The following COX7B2 variants were observed in gnomAD, a reference collection of about 807,000 sequenced individuals.
COX7B2 encodes the protein cytochrome c oxidase subunit 7B2, mitochondrial.
For missense variants in COX7B2, 109 were observed against 95.9 expected (o/e 1.14, Z -0.57); for synonymous variants, 37 against 32.1 (o/e 1.15, Z -0.51).
intron 2 of COX7B2, among the ~76,000 whole-genome samples, chr4:46,742,137 A>T (rs1342180943): frequency 6.6e-6 from 1 of 152,184 alleles, no homozygotes; most frequent in Non-Finnish European, 1.5e-5. Context: ...AAGTTAGTCA[A>T]AAGAAACATT....
intron 2 of COX7B2, among the ~76,000 whole-genome samples, chr4:46,819,491 T>C (rs115628685): frequency 3.3e-3 from 502 of 150,750 alleles, no homozygotes; most frequent in Admixed American, 4.9e-3. Flanking sequence ...AGAAGAATTG[T>C]CTTGGGCCAC....
intron 1 of COX7B2, among the ~76,000 whole-genome samples, chr4:46,870,331 A>G (rs1717909306): frequency 7.5e-5 from 4 of 53,410 alleles, no homozygotes; most frequent in African/African-American, 1.8e-4. Flanking sequence ...GAAAAAAAAA[A>G]TAACTCAAAA....
chr4:46,757,144 G>T (rs142515341), intron 2 of COX7B2, among the ~76,000 whole-genome samples: 2 of 152,062 alleles, frequency 1.3e-5, no homozygotes, highest in Non-Finnish European at 2.9e-5. Context: ...AAGAATGAAA[G>T]AATGTCTTTT....
intron 2 of COX7B2, among the ~76,000 whole-genome samples, chr4:46,818,284 G>A (rs1011991381): frequency 6.6e-6 from 1 of 152,136 alleles, no homozygotes; most frequent in African/African-American, 2.4e-5. Context: ...TTTACTGAAG[G>A]TCCATTGTTC....
At chr4:46,738,930 C>T (rs1007253859) in intron 2 of COX7B2, among the ~76,000 whole-genome samples, 1 of 152,022 alleles carries the variant, frequency 6.6e-6, no homozygotes, top group African/African-American at 2.4e-5. Flanking sequence ...CTGATTGTGT[C>T]ATCTATTATA....
Position 46,749,157 on chromosome 4 carries a change from T to A in COX7B2, c.-49-13916A>T, listed in dbSNP as rs542322866. ...TTACACTGCCTGGGACTGATGCTCA[T>A]CCCAGTGAACAGCATCTCCATCATT... On this transcript the variant is annotated intron_variant, in intron 2 of 2. Coordinates refer to ENST00000355591, the MANE Select transcript of COX7B2 (RefSeq NM_130902.3). Among the ~76,000 whole-genome samples the A allele has an allele frequency of 3.9e-5, 6 of 152,304 alleles. No individual in the cohort carries two copies. The East Asian group carries it at 1.2e-3, about 29-fold the overall frequency.
intron 1 of COX7B2, among the ~76,000 whole-genome samples, chr4:46,880,993 T>TAAAAAAAAAAAAAAAAAAAAAAAA (rs1215385422): frequency 5.8e-5 from 6 of 102,816 alleles, no homozygotes; most frequent in African/African-American, 1.1e-4. Context: ...TAGAGTATAA[T>TAAAAAAAAAAAAAAAAAAAAAAAA]AAAAAAAAAA....
intron 1 of COX7B2, among the ~76,000 whole-genome samples, chr4:46,874,070 A>T (rs1718171219): frequency 6.6e-6 from 1 of 152,178 alleles, no homozygotes; most frequent in Non-Finnish European, 1.5e-5. Context: ...TGGCTTGCAG[A>T]TTATAATTCT....
intron 1 of COX7B2, among the ~76,000 whole-genome samples, chr4:46,861,114 C>T (rs1717310142): frequency 2.6e-5 from 4 of 152,150 alleles, no homozygotes; most frequent in Admixed American, 2.0e-4. Flanking sequence ...TTCCCTTCTA[C>T]GAGTGTGGTG....
At chr4:46,883,083 T>C (rs557471155) in intron 1 of COX7B2, among the ~76,000 whole-genome samples, 1 of 152,232 alleles carries the variant, frequency 6.6e-6, no homozygotes. Context: ...ATTAAACATT[T>C]AATGAAAATA....
intron 2 of COX7B2, among the ~76,000 whole-genome samples, chr4:46,768,818 C>G (rs1716701552): frequency 6.6e-6 from 1 of 151,950 alleles, no homozygotes; most frequent in South Asian, 2.1e-4. Context: ...ACTAAATGGT[C>G]AAACTTTTAG....
At chr4:46,802,417 T>G (rs940430473) in intron 2 of COX7B2, among the ~76,000 whole-genome samples, 2 of 152,194 alleles carry the variant, frequency 1.3e-5, no homozygotes, top group Non-Finnish European at 2.9e-5. Flanking sequence ...TATGACTTCC[T>G]TCATGAAATG....
At chr4:46,749,588 T>A (rs985278773) in intron 2 of COX7B2, among the ~76,000 whole-genome samples, 1 of 152,210 alleles carries the variant, frequency 6.6e-6, no homozygotes, top group Non-Finnish European at 1.5e-5. Flanking sequence ...GTGTAAGGAT[T>A]GTTAGTTTGC....
intron 2 of COX7B2, among the ~76,000 whole-genome samples, chr4:46,830,627 T>C (rs181894306): frequency 1.1e-3 from 161 of 152,318 alleles, no homozygotes; most frequent in African/African-American, 3.7e-3. Context: ...AGCAATTGTA[T>C]TGGTTGAGGC....
chr4:46,883,006 C>T lies in COX7B2; in HGVS notation c.-105+26154G>A, dbSNP rs527427150. 3.3e-5 allele frequency among the ~76,000 whole-genome samples: 5 copies of T among 152,056 alleles called. No individual in the cohort carries two copies. In the East Asian group the frequency reaches 9.7e-4, roughly 29 times the overall value. On this transcript the variant is annotated intron_variant, in intron 1 of 2. Coordinates refer to ENST00000355591, the MANE Select transcript of COX7B2 (RefSeq NM_130902.3). ...TTTCAGCTAGGTAACAATTTGAAGG[C>T]TATGATTTTATAAGTTAAGATTAAT... is the stretch of plus-strand genomic sequence containing the variant.
intron 2 of COX7B2, among the ~76,000 whole-genome samples, chr4:46,755,309 A>C (rs1310274392): frequency 2.0e-5 from 3 of 152,032 alleles, no homozygotes; most frequent in Admixed American, 6.6e-5. Flanking sequence ...TAAAGGCCAT[A>C]TATGACAAAC....
At chr4:46,850,384 T>C (rs1716596066) in intron 1 of COX7B2, among the ~76,000 whole-genome samples, 1 of 152,064 alleles carries the variant, frequency 6.6e-6, no homozygotes, top group Non-Finnish European at 1.5e-5. Context: ...ACCTCAGTAA[T>C]TAATCATTAG....
At chr4:46,837,257 A>G (rs73245872) in intron 2 of COX7B2, among the ~76,000 whole-genome samples, 1 of 147,010 alleles carries the variant, frequency 6.8e-6, no homozygotes, top group Non-Finnish European at 1.5e-5. Context: ...AAAATGTAGT[A>G]TGAACACACA....
chr4:46,885,914 C>A (rs777370089), intron 1 of COX7B2, among the ~76,000 whole-genome samples: 5 of 152,008 alleles, frequency 3.3e-5, no homozygotes, highest in Non-Finnish European at 7.4e-5. Context: ...ACTGAGTTTC[C>A]AGGTCAAGAG....
Sources: allele counts gnomAD v4.1 joint callset (sites outside exome capture counted in the v4.1 genomes callset), GRCh38; gene constraint gnomAD v4.1.1; transcripts MANE v1.5; gene names NCBI Gene and HGNC (gene_info 2026-07-23, HGNC 2026-07-21).